The following MITD1 variants were observed in gnomAD, a reference collection of about 807,000 sequenced individuals.
The protein encoded by MITD1 is MIT domain-containing protein 1.
Under a neutral mutation model 34.9 loss-of-function variants are expected in MITD1, and 24 were observed. That is an observed-to-expected ratio of 0.69 (90% CI 0.50 to 0.97). The LOEUF is 0.97. Among genes scored for constraint, MITD1 ranks in the 50% least tolerant of loss-of-function variants. The probability of loss-of-function intolerance (pLI) is 0.00; values close to 1 mark genes in which losing one functional copy is unlikely to be tolerated. For synonymous variants in MITD1, 102 were observed against 101.4 expected, an observed-to-expected ratio of 1.01 and a Z score of -0.04; for missense variants, 266 against 294.6, an observed-to-expected ratio of 0.90 and a Z score of 0.71.
chr2:99,171,014 A>G (rs556368094), intron 4 of MITD1: 117 of 287,616 alleles, frequency 4.1e-4, no homozygotes, highest in Middle Eastern at 2.3e-3. Flanking sequence ...CTACCATATC[A>G]TATCATGCTA....
At chr2:99,166,592 T>G (rs2093828293), downstream of MITD1, among the ~76,000 whole-genome samples, 1 of 150,968 alleles carries the variant, frequency 6.6e-6, no homozygotes. Context: ...CTAATAGGAA[T>G]GATGCAGTAC....
At chr2:99,162,967 G>C (rs201935470) in intron 7 of MITD1, 1 of 1,613,666 alleles carries the variant, frequency 6.2e-7, no homozygotes, top group Non-Finnish European at 8.5e-7. Context: ...AGTAAGTTTT[G>C]CCCAACTGAA....
intron 1 of MITD1, among the ~76,000 whole-genome samples, chr2:99,176,658 G>A (rs1206920866): frequency 6.8e-6 from 1 of 148,100 alleles, no homozygotes; most frequent in Non-Finnish European, 1.5e-5. Context: ...ATTATGAGGG[G>A]TGTGTGTATG....
chr2:99,168,396 C>T (rs11123767), downstream of MITD1, among the ~76,000 whole-genome samples: 8,562 of 152,276 alleles, frequency 0.056, 472 homozygotes, highest in East Asian at 0.21. Context: ...CTGCCTTTGC[C>T]TCCCAAAGTG....
At position 99,169,486 on chromosome 2, in the gene MITD1, AAG is replaced by A; in HGVS notation, c.655-18_655-17del. ...AAAAACGACTCTAAGAAGAGAAGAA[AAG>A]AGTATCATTAAAAATGATACAAAAA... On this transcript the variant is annotated splice_polypyrimidine_tract_variant and intron_variant, in intron 6 of 6. Coordinates refer to ENST00000289359, the MANE Select transcript of MITD1 (RefSeq NM_138798.3). 1.2e-6 allele frequency: 2 copies of A among 1,606,716 alleles called. No homozygotes were observed. Among genetic ancestry groups the A allele is most frequent in the Non-Finnish European group, 1.7e-6 (2 of 1,174,584 alleles).
chr2:99,162,370 A>T (rs763736739), intron 7 of MITD1: 1 of 1,614,050 alleles, frequency 6.2e-7, no homozygotes, highest in South Asian at 1.1e-5. Flanking sequence ...AGAGCTCTGA[A>T]TGCTGTCCAA....
chr2:99,177,587 C>G (rs907464357), intron 1 of MITD1, among the ~76,000 whole-genome samples: 8 of 152,210 alleles, frequency 5.3e-5, no homozygotes, highest in African/African-American at 1.7e-4. Context: ...TTCATTCTAG[C>G]TATGTTGAAA....
At chr2:99,166,858 AATATATATATAT>A (rs10584187), downstream of MITD1, among the ~76,000 whole-genome samples, 44,468 of 115,416 alleles carry the variant, frequency 0.39, 9,309 homozygotes, top group Middle Eastern at 0.49. Context: ...TGGGGTTTTA[AATATATATATAT>A]ATATATATAT....
At chr2:99,179,427 G>A (rs1001567564) in intron 1 of MITD1, among the ~76,000 whole-genome samples, 1 of 152,140 alleles carries the variant, frequency 6.6e-6, no homozygotes, top group Non-Finnish European at 1.5e-5. Context: ...CAATTGGTAC[G>A]GATGAAACGA....
rs1027452640 is a variant in MITD1 at position 99,173,939 on chromosome 2, T to G, written c.229A>C (p.Lys77Gln). 3.1e-6 allele frequency: 5 copies of G among 1,608,534 alleles called. No individual in the cohort carries two copies. In the African/African-American group the frequency reaches 5.3e-5, roughly 17 times the overall value. ...CCTTCTTTTTCTTGGTCCAAGTACTTCTTTATGTTTTCCGCTCTGTCCATG... is the reference window on the plus strand; with the variant it reads ...CCTTCTTTTTCTTGGTCCAAGTACTGCTTTATGTTTTCCGCTCTGTCCATG... ...KYMDRAENIKKYLDQEKEDGK... is the reference protein window; with the variant it reads ...KYMDRAENIKQYLDQEKEDGK... Residue 77 changes from lysine to glutamine, a missense_variant, in exon 2 of 7, where the codon AAG becomes CAG. Lys to Gln is a moderately conservative substitution (Grantham distance 53, BLOSUM62 1). Transcript: ENST00000289359.
At chr2:99,175,733 C>T (rs903617074) in intron 1 of MITD1, among the ~76,000 whole-genome samples, 2 of 152,098 alleles carry the variant, frequency 1.3e-5, no homozygotes, top group Non-Finnish European at 2.9e-5. Flanking sequence ...TTTCTATTTC[C>T]GTCATTCCTT....
chr2:99,179,469 G>A (rs1288574175), intron 1 of MITD1, among the ~76,000 whole-genome samples: 1 of 152,176 alleles, frequency 6.6e-6, no homozygotes, highest in Non-Finnish European at 1.5e-5. Flanking sequence ...TGCAATGCCT[G>A]GCACTCAGCA....
intron 1 of MITD1, among the ~76,000 whole-genome samples, chr2:99,179,872 T>C (rs1323557771): frequency 6.6e-6 from 1 of 152,012 alleles, no homozygotes; most frequent in African/African-American, 2.4e-5. Context: ...CCGGTAGAGT[T>C]TGTAGTTCTG....
intron 1 of MITD1, among the ~76,000 whole-genome samples, chr2:99,176,791 T>G (rs1010920288): frequency 1.3e-5 from 2 of 152,136 alleles, no homozygotes; most frequent in Non-Finnish European, 2.9e-5. Context: ...GCCAAAAGAT[T>G]TGTTAAAACT....
downstream of MITD1, among the ~76,000 whole-genome samples, chr2:99,164,521 C>T (rs1412317905): frequency 7.3e-6 from 1 of 136,202 alleles, no homozygotes; most frequent in African/African-American, 2.6e-5. Flanking sequence ...TAATATATCT[C>T]AGTAGTTCCA....
rs1279940317 is a variant in MITD1, at chr2:99,169,449, A to C, written c.676T>G (p.Cys226Gly). Residue 226 changes from cysteine to glycine, a missense_variant, in exon 7 of 7, where the codon TGT (cysteine) becomes GGT (glycine). Physicochemically the swap from Cys to Gly is radical, Grantham distance 159 (BLOSUM62 -3). Coordinates refer to ENST00000289359, the MANE Select transcript of MITD1 (RefSeq NM_138798.3). Reference protein sequence around the residue: ...KPQSRFSLGYCDFDLRPCHET... With the variant: ...KPQSRFSLGYGDFDLRPCHET... ...TGACATGGTCTTAAATCAAAATCAC[A>C]ATATCCAAGGGAAAAACGACTCTAA... The C allele has an allele frequency of 6.2e-7, 1 of 1,608,536 alleles. No homozygotes were observed. The highest frequency in any genetic ancestry group is 8.5e-7 in the Non-Finnish European group (1 of 1,177,184).
chr2:99,165,874 C>G (rs111830491), downstream of MITD1, among the ~76,000 whole-genome samples: 11 of 152,206 alleles, frequency 7.2e-5, no homozygotes, highest in Non-Finnish European at 1.5e-5. Flanking sequence ...CTGGAAGTAG[C>G]GACAGGGGCC....
chr2:99,171,536 C>T lies in MITD1; in HGVS notation c.364G>A (p.Asp122Asn), dbSNP rs1173738238. 3.7e-6 allele frequency: 6 copies of T among 1,611,298 alleles called. No individual in the cohort carries two copies. The Admixed American group carries it at 5.0e-5, about 13-fold the overall frequency. Residue 122 changes from aspartate (D) to asparagine (N), a missense_variant, in exon 3 of 7, where the codon GAT (aspartate) becomes AAT (asparagine). Transcript: ENST00000289359. ...TGATGAGTATGTCTAATATAAGGAT[C>T]TTCTATCCAAACTTCTGTAACTGTC... is the stretch of plus-strand genomic sequence containing the variant. ...NETVTEVWIE[D>N]PYIRHTHQLY...
downstream of MITD1, among the ~76,000 whole-genome samples, chr2:99,168,329 C>T (rs146814195): frequency 9.7e-3 from 1,476 of 152,170 alleles, 16 homozygotes; most frequent in African/African-American, 0.034. Context: ...TTAATAAAGA[C>T]GGGGTTTCTC....
Sources: gnomAD v4.1 joint callset for allele counts (sites outside exome capture counted in the v4.1 genomes callset) on GRCh38, gnomAD v4.1.1 for gene constraint, MANE v1.5 for transcripts, NCBI Gene and HGNC (gene_info 2026-07-23, HGNC 2026-07-21) for gene names.